Variants in MBNL1 observed in about 807,000 individuals in gnomAD.
MBNL1 encodes the protein muscleblind-like protein 1.
In MBNL1, 8 loss-of-function variants were observed where a neutral mutation model predicts 42.2. That is an observed-to-expected ratio of 0.19 (90% CI 0.11 to 0.34). The LOEUF is 0.34. MBNL1 is among the 10% of genes least tolerant of loss of function. The pLI is 1.00. For synonymous variants in MBNL1, 169 were observed against 173.9 expected (o/e 0.97, Z 0.22); for missense variants, 309 against 495.3 (o/e 0.62, Z 3.57).
chr3:152,344,341 T>C (rs1344957297), intron 2 of MBNL1, among the ~76,000 whole-genome samples: 1 of 152,138 alleles, frequency 6.6e-6, no homozygotes, highest in African/African-American at 2.4e-5. Context: ...CAGGATGCCG[T>C]GTGTACTAAT....
intron 2 of MBNL1, among the ~76,000 whole-genome samples, chr3:152,306,485 A>G (rs1363854144): frequency 1.3e-5 from 2 of 152,216 alleles, no homozygotes; most frequent in African/African-American, 2.4e-5. Context: ...GCAAGACACC[A>G]TAACTCAGCC....
At chr3:152,276,387 T>G (rs1366384601) in intron 1 of MBNL1, among the ~76,000 whole-genome samples, 1 of 152,208 alleles carries the variant, frequency 6.6e-6, no homozygotes, top group African/African-American at 2.4e-5. Context: ...ACAAGTCCAA[T>G]TAATTGTGCA....
chr3:152,440,642 C>A (rs2099134457), intron 4 of MBNL1, among the ~76,000 whole-genome samples: 1 of 152,170 alleles, frequency 6.6e-6, no homozygotes, highest in Admixed American at 6.5e-5. Context: ...CTAGAAATCA[C>A]ATCATCCGAT....
chr3:152,450,278 A>G (rs1719901135), intron 6 of MBNL1, among the ~76,000 whole-genome samples: 1 of 152,192 alleles, frequency 6.6e-6, no homozygotes, highest in South Asian at 2.1e-4. Flanking sequence ...TTTATTAATC[A>G]CATAATCAGA....
intron 6 of MBNL1, among the ~76,000 whole-genome samples, chr3:152,449,546 A>G (rs1027831319): frequency 6.6e-6 from 1 of 152,194 alleles, no homozygotes; most frequent in Non-Finnish European, 1.5e-5. Context: ...ATTACATGGT[A>G]TGATGACCCT....
Position 152,439,492 on chromosome 3 carries a change from T to A in MBNL1, c.550-5790T>A, listed in dbSNP as rs532253221. 4.6e-5 allele frequency among the ~76,000 whole-genome samples: 7 copies of A among 152,314 alleles called. No individual in the cohort carries two copies. The South Asian group carries it at 1.4e-3, about 32-fold the overall frequency. On this transcript the variant is annotated intron_variant, in intron 4 of 9. Coordinates refer to ENST00000324210, the MANE Select transcript of MBNL1 (RefSeq NM_021038.5). ...TTTGGCTACTGCTTGTGTGACTTTT[T>A]TTACTATCTCCAGAAAATTGCCAAG...
intron 3 of MBNL1, among the ~76,000 whole-genome samples, chr3:152,419,965 C>T (rs2098775106): frequency 6.6e-6 from 1 of 152,156 alleles, no homozygotes; most frequent in Admixed American, 6.5e-5. Context: ...GCGGTTTCCC[C>T]TCACGATGTA....
chr3:152,342,388 A>G (rs904605798), intron 2 of MBNL1, among the ~76,000 whole-genome samples: 1 of 152,166 alleles, frequency 6.6e-6, no homozygotes, highest in African/African-American at 2.4e-5. Flanking sequence ...ATGAAGATTT[A>G]ATTTTACGAG....
chr3:152,275,976 G>GTAATATTTATGAAATATTTA (rs1483856576), intron 1 of MBNL1, among the ~76,000 whole-genome samples: 12 of 152,114 alleles, frequency 7.9e-5, no homozygotes, highest in Non-Finnish European at 1.5e-4. Flanking sequence ...CATTATAAAG[G>GTAATATTTATGAAATATTTA]TGTAAATATT....
chr3:152,246,242 G>A (rs924137424), intron 2 of MBNL1, among the ~76,000 whole-genome samples: 3 of 152,042 alleles, frequency 2.0e-5, no homozygotes, highest in African/African-American at 7.2e-5. Flanking sequence ...ACAATCACAA[G>A]GAAACATAGC....
At position 152,374,444 on chromosome 3, in the gene MBNL1, G is replaced by A. The variant is rs557133070; in HGVS notation, c.175-40497G>A. Among the ~76,000 whole-genome samples the A allele has an allele frequency of 2.6e-5, 4 of 152,154 alleles. No homozygotes were observed. In the South Asian group the frequency reaches 8.3e-4, roughly 32 times the overall value. ...GCCACCAGTGTCTCCCAGGAGCACA[G>A]CAAGTAGTCATTTCCCAGCTCTATT... On this transcript the variant is annotated intron_variant, in intron 2 of 9. Transcript: ENST00000324210.
chr3:152,353,227 G>T (rs974476800), intron 2 of MBNL1, among the ~76,000 whole-genome samples: 1 of 152,138 alleles, frequency 6.6e-6, no homozygotes, highest in Admixed American at 6.5e-5. Context: ...AACTACTCAG[G>T]AATCCAAGCT....
intron 2 of MBNL1, among the ~76,000 whole-genome samples, chr3:152,397,031 G>A (rs1379307159): frequency 6.6e-6 from 1 of 152,054 alleles, no homozygotes. Flanking sequence ...TAAGCTGGCT[G>A]GACAATACAA....
intron 2 of MBNL1, among the ~76,000 whole-genome samples, chr3:152,333,878 A>G (rs1165086010): frequency 1.3e-5 from 2 of 152,264 alleles, no homozygotes; most frequent in African/African-American, 4.8e-5. Flanking sequence ...GAAATAATTT[A>G]GAGCTCCAGC....
At chr3:152,344,153 G>A (rs569444192) in intron 2 of MBNL1, among the ~76,000 whole-genome samples, 1 of 151,996 alleles carries the variant, frequency 6.6e-6, no homozygotes, top group Non-Finnish European at 1.5e-5. Flanking sequence ...GAAATATGGT[G>A]AAAACATCTT....
At chr3:152,346,331 A>C (rs2094230804) in intron 2 of MBNL1, among the ~76,000 whole-genome samples, 1 of 152,172 alleles carries the variant, frequency 6.6e-6, no homozygotes, top group African/African-American at 2.4e-5. Context: ...TAGAGTCAGA[A>C]ATTTCTACCA....
intron 2 of MBNL1, chr3:152,335,108 C>T (rs914624065): frequency 2.3e-6 from 3 of 1,286,100 alleles, no homozygotes; most frequent in African/African-American, 3.0e-5. Flanking sequence ...CTTGGTGCTG[C>T]AGCAGTCACT....
chr3:152,346,775 G>C (rs753496920), intron 2 of MBNL1, among the ~76,000 whole-genome samples: 1 of 151,624 alleles, frequency 6.6e-6, no homozygotes, highest in Non-Finnish European at 1.5e-5. Flanking sequence ...AGCTGTTTCA[G>C]TGATTTCTGA....
intron 2 of MBNL1, among the ~76,000 whole-genome samples, chr3:152,366,979 A>G (rs988176818): frequency 2.6e-5 from 4 of 152,196 alleles, no homozygotes; most frequent in East Asian, 3.8e-4. Flanking sequence ...TGTATTATAT[A>G]TTTACATAAA....
Sources: gnomAD v4.1 joint callset for allele counts (sites outside exome capture counted in the v4.1 genomes callset) on GRCh38, gnomAD v4.1.1 for gene constraint, MANE v1.5 for transcripts, NCBI Gene and HGNC (gene_info 2026-07-23, HGNC 2026-07-21) for gene names.